Variants in SLC8A1 observed in about 807,000 individuals in gnomAD.
SLC8A1 encodes the protein solute carrier family 8 member A1.
SLC8A1 carries 18 observed loss-of-function variants against 68.3 expected under a neutral mutation model. That is an observed-to-expected ratio of 0.26 (90% CI 0.18 to 0.39). The LOEUF (loss-of-function observed/expected upper bound fraction) is 0.39. Among genes scored for constraint, SLC8A1 ranks in the 10% least tolerant of loss-of-function variants. The pLI, the probability that SLC8A1 is intolerant of heterozygous loss-of-function variation, is 1.00. For synonymous variants in SLC8A1, 475 were observed against 415.5 expected, an observed-to-expected ratio of 1.14 and a Z score of -1.74; for missense variants, 985 against 1,156.7, an observed-to-expected ratio of 0.85 and a Z score of 2.15.
exon 7 of SLC8A1, chr2:40,139,457 C>A (rs755904658): frequency 6.2e-7 from 1 of 1,614,012 alleles, no homozygotes; most frequent in African/African-American, 1.3e-5. Flanking sequence ...ATCTTTCAGG[C>A]CAATGGTGCA....
intron 2 of SLC8A1, among the ~76,000 whole-genome samples, chr2:40,297,993 C>T (rs1055201758): frequency 1.3e-5 from 2 of 152,164 alleles, no homozygotes; most frequent in African/African-American, 2.4e-5. Flanking sequence ...CGTTCTTCTG[C>T]CTCAGACTCC....
At chr2:40,399,943 G>C (rs187030643) in intron 2 of SLC8A1, among the ~76,000 whole-genome samples, 3 of 152,158 alleles carry the variant, frequency 2.0e-5, no homozygotes, top group South Asian at 4.1e-4. Context: ...GTTAAAGATC[G>C]ACCCCTGACC....
chr2:40,296,075 C>T (rs766845839), intron 2 of SLC8A1, among the ~76,000 whole-genome samples: 1 of 152,030 alleles, frequency 6.6e-6, no homozygotes, highest in African/African-American at 2.4e-5. Flanking sequence ...GCTACAAAAC[C>T]TAATAATTTA....
chr2:40,437,553 C>G (rs1015484314), intron 1 of SLC8A1, among the ~76,000 whole-genome samples: 3 of 152,054 alleles, frequency 2.0e-5, no homozygotes, highest in Admixed American at 6.6e-5. Flanking sequence ...TAGCAGTAAG[C>G]AAGCAAAACT....
intron 7 of SLC8A1, among the ~76,000 whole-genome samples, chr2:40,131,391 G>T (rs145507340): frequency 3.3e-5 from 5 of 152,224 alleles, no homozygotes; most frequent in African/African-American, 9.6e-5. Flanking sequence ...TCTATTTGAA[G>T]TAGGATGGGA....
At chr2:40,401,006 C>T (rs1052812289) in intron 2 of SLC8A1, among the ~76,000 whole-genome samples, 2 of 152,174 alleles carry the variant, frequency 1.3e-5, no homozygotes, top group African/African-American at 2.4e-5. Context: ...ACATCTGTAT[C>T]TTGTATTTGC....
chr2:40,429,096 C>G (rs2149784190), exon 2 of SLC8A1: 1 of 1,613,064 alleles, frequency 6.2e-7, no homozygotes, highest in Non-Finnish European at 8.5e-7. Context: ...CAGTGTTGAC[C>G]TCGTGCATGC....
At chr2:40,408,389 A>G (rs1052757192) in intron 2 of SLC8A1, among the ~76,000 whole-genome samples, 1 of 152,284 alleles carries the variant, frequency 6.6e-6, no homozygotes, top group East Asian at 1.9e-4. Context: ...ACACCTCTGC[A>G]GATTCACACA....
intron 2 of SLC8A1, among the ~76,000 whole-genome samples, chr2:40,194,676 C>G (rs963528119): frequency 2.6e-5 from 4 of 152,034 alleles, no homozygotes; most frequent in Non-Finnish European, 4.4e-5. Context: ...CCTCGCCCTT[C>G]TTTGTGTTAA....
chr2:40,352,945 G>A (rs1204447502), intron 2 of SLC8A1, among the ~76,000 whole-genome samples: 1 of 152,022 alleles, frequency 6.6e-6, no homozygotes, highest in Non-Finnish European at 1.5e-5. Flanking sequence ...AACCAGGGAG[G>A]GTTTTAAAAG....
intron 2 of SLC8A1, among the ~76,000 whole-genome samples, chr2:40,228,339 AG>A (rs1278839734): frequency 6.6e-6 from 1 of 152,236 alleles, no homozygotes; most frequent in Non-Finnish European, 1.5e-5. Flanking sequence ...TTATACTTAA[AG>A]CAGTATAGAT....
chr2:40,361,107 T>C (rs1243731560), intron 2 of SLC8A1, among the ~76,000 whole-genome samples: 3 of 152,208 alleles, frequency 2.0e-5, no homozygotes, highest in Admixed American at 6.5e-5. Context: ...ACTTAGTAAG[T>C]TGAAGATTTC....
At chr2:40,439,626 T>C (rs1471239060) in intron 1 of SLC8A1, among the ~76,000 whole-genome samples, 1 of 152,184 alleles carries the variant, frequency 6.6e-6, no homozygotes, top group Non-Finnish European at 1.5e-5. Context: ...GCTGGTTGTG[T>C]GAGCAGAGGC....
intron 1 of SLC8A1, among the ~76,000 whole-genome samples, chr2:40,447,651 C>A (rs926279587): frequency 6.6e-6 from 1 of 151,452 alleles, no homozygotes; most frequent in African/African-American, 2.4e-5. Flanking sequence ...AATGGTAGCT[C>A]CTTCTCGGAT....
chr2:40,426,166 T>C (rs929068173), intron 2 of SLC8A1, among the ~76,000 whole-genome samples: 3 of 151,868 alleles, frequency 2.0e-5, no homozygotes, highest in African/African-American at 7.2e-5. Flanking sequence ...AAAAGAAAAA[T>C]GTAGGGCTGT....
intron 1 of SLC8A1, among the ~76,000 whole-genome samples, chr2:40,464,978 C>T (rs114656751): frequency 0.014 from 2,093 of 152,200 alleles, 38 homozygotes; most frequent in African/African-American, 0.048. Context: ...CTCCTTACTC[C>T]TCTCCCACCC....
chr2:40,410,916 T>A (rs1248435238), intron 2 of SLC8A1, among the ~76,000 whole-genome samples: 1 of 152,082 alleles, frequency 6.6e-6, no homozygotes, highest in East Asian at 1.9e-4. Context: ...ATGCACATAA[T>A]ACCAGCAAAT....
exon 6 of SLC8A1, chr2:40,160,832 G>A (rs149210345): frequency 6.2e-7 from 1 of 1,613,146 alleles, no homozygotes; most frequent in African/African-American, 1.3e-5. Flanking sequence ...CAAGGGCCAG[G>A]TTTGTCTTCT....
intron 4 of SLC8A1, among the ~76,000 whole-genome samples, chr2:40,172,711 G>A (rs1391220145): frequency 2.6e-5 from 4 of 152,278 alleles, no homozygotes; most frequent in South Asian, 2.1e-4. Context: ...GGGAGGCCGA[G>A]GTGGGTGGAT....
Sources: allele counts gnomAD v4.1 joint callset (sites outside exome capture counted in the v4.1 genomes callset), GRCh38; gene constraint gnomAD v4.1.1; transcripts MANE v1.5; gene names NCBI Gene and HGNC (gene_info 2026-07-23, HGNC 2026-07-21).